Variants in PARM1 observed in about 807,000 individuals in gnomAD.
PARM1 encodes prostate androgen-regulated mucin-like protein 1.
Under a neutral mutation model 24.6 loss-of-function variants are expected in PARM1, and 14 were observed. The observed-to-expected ratio is 0.57, with a 90% confidence interval of 0.38 to 0.89. The LOEUF (loss-of-function observed/expected upper bound fraction) is 0.89. Among genes scored for constraint, PARM1 ranks in the 40% least tolerant of loss-of-function variants. PARM1 has a pLI of 0.00. For synonymous variants in PARM1, 179 were observed against 156.6 expected (o/e 1.14, Z -1.07); for missense variants, 362 against 380.4 (o/e 0.95, Z 0.40).
intron 2 of PARM1, among the ~76,000 whole-genome samples, chr4:75,022,199 A>T (rs986410573): frequency 6.6e-6 from 1 of 152,188 alleles, no homozygotes; most frequent in Non-Finnish European, 1.5e-5. Flanking sequence ...CATTTCTCTA[A>T]TGATTAGTGG....
chr4:74,969,236 G>C (rs758053351), intron 1 of PARM1, among the ~76,000 whole-genome samples: 1 of 152,190 alleles, frequency 6.6e-6, no homozygotes, highest in Admixed American at 6.5e-5. Context: ...GTCCCTTGTC[G>C]TTGTGTTGAG....
At chr4:75,008,508 A>G (rs1335512178) in intron 1 of PARM1, among the ~76,000 whole-genome samples, 2 of 152,336 alleles carry the variant, frequency 1.3e-5, no homozygotes, top group Middle Eastern at 3.4e-3. Flanking sequence ...TGAACATCAG[A>G]TATCTTAAGT....
chr4:74,996,203 G>A (rs979797848), intron 1 of PARM1, among the ~76,000 whole-genome samples: 16 of 151,922 alleles, frequency 1.1e-4, no homozygotes, highest in African/African-American at 3.9e-4. Context: ...CCCCTGTGTT[G>A]TCACTAATTA....
At chr4:75,016,775 C>G (rs753119253) in intron 2 of PARM1, among the ~76,000 whole-genome samples, 2 of 152,128 alleles carry the variant, frequency 1.3e-5, no homozygotes, top group Non-Finnish European at 2.9e-5. Context: ...CCTCCTTTCT[C>G]CCTGATCTCT....
At chr4:75,001,324 A>G (rs1395025770) in intron 1 of PARM1, among the ~76,000 whole-genome samples, 1 of 152,268 alleles carries the variant, frequency 6.6e-6, no homozygotes, top group African/African-American at 2.4e-5. Flanking sequence ...ACACATAGCA[A>G]CAGAGGTGAG....
At chr4:74,989,151 C>G (rs190460323) in intron 1 of PARM1, among the ~76,000 whole-genome samples, 1 of 152,230 alleles carries the variant, frequency 6.6e-6, no homozygotes, top group East Asian at 1.9e-4. Context: ...AGCAACCAAC[C>G]CTCCAGCAGA....
intron 2 of PARM1, among the ~76,000 whole-genome samples, chr4:75,015,427 G>T (rs2109796839): frequency 6.6e-6 from 1 of 152,272 alleles, no homozygotes; most frequent in African/African-American, 2.4e-5. Flanking sequence ...GAGAGGTGTG[G>T]CCGGTTAGAG....
At chr4:75,040,281 C>T (rs931741811) in intron 3 of PARM1, among the ~76,000 whole-genome samples, 2 of 152,144 alleles carry the variant, frequency 1.3e-5, no homozygotes, top group Non-Finnish European at 2.9e-5. Context: ...ACAGATGTGC[C>T]AATGTGTAGA....
chr4:75,029,628 T>C (rs1207293270), intron 2 of PARM1, among the ~76,000 whole-genome samples: 1 of 152,146 alleles, frequency 6.6e-6, no homozygotes, highest in Non-Finnish European at 1.5e-5. Flanking sequence ...ATTACCATCT[T>C]GAGTATGCCT....
Position 75,013,052 on chromosome 4 carries a change from C to T in PARM1, c.671C>T (p.Thr224Ile). The T allele has an allele frequency of 6.2e-7, 1 of 1,614,020 alleles. No individual in the cohort carries two copies. The highest frequency in any genetic ancestry group is 8.5e-7 in the Non-Finnish European group (1 of 1,179,892). The part of the protein sequence containing the change: ...PVPQEKTPPT[T>I]VSGKVMCELI... ...CCCCAGGAGAAAACACCCCCAACAA[C>T]TGTGTCAGGCAAAGTGATGTGTGAG... The change falls in exon 2 of 4, where the codon ACT becomes ATT. Residue 224 changes from threonine to isoleucine, a missense_variant. Thr to Ile is a moderately conservative substitution (Grantham distance 89). Coordinates refer to ENST00000307428, the MANE Select transcript of PARM1 (RefSeq NM_015393.4).
chr4:74,988,611 C>T (rs561371612), intron 1 of PARM1, among the ~76,000 whole-genome samples: 1 of 152,166 alleles, frequency 6.6e-6, no homozygotes, highest in Non-Finnish European at 1.5e-5. Context: ...TGGACAAGCA[C>T]AAAATGTTAT....
At chr4:74,994,929 A>G (rs1056783825) in intron 1 of PARM1, among the ~76,000 whole-genome samples, 9 of 152,158 alleles carry the variant, frequency 5.9e-5, no homozygotes, top group Admixed American at 2.0e-4. Context: ...ATGACCTCAT[A>G]AGGGCTGTTG....
intron 1 of PARM1, among the ~76,000 whole-genome samples, chr4:74,981,896 A>AG (rs1722264661): frequency 6.6e-6 from 1 of 151,904 alleles, no homozygotes; most frequent in Non-Finnish European, 1.5e-5. Context: ...AAAAAAAAAA[A>AG]AAGACCTAGA....
At chr4:74,979,779 A>G (rs1722212691) in intron 1 of PARM1, among the ~76,000 whole-genome samples, 1 of 152,198 alleles carries the variant, frequency 6.6e-6, no homozygotes, top group Non-Finnish European at 1.5e-5. Flanking sequence ...TGATCAAGTC[A>G]GCTTCATCCC....
At chr4:74,994,871 A>G (rs1722548173) in intron 1 of PARM1, among the ~76,000 whole-genome samples, 3 of 152,108 alleles carry the variant, frequency 2.0e-5, no homozygotes, top group Non-Finnish European at 2.9e-5. Flanking sequence ...TTGTCACTAC[A>G]ATAAGCTTAA....
chr4:74,944,262 G>A (rs1039699985), intron 1 of PARM1, among the ~76,000 whole-genome samples: 7 of 152,200 alleles, frequency 4.6e-5, no homozygotes, highest in East Asian at 1.9e-4. Context: ...CTTAGCAATC[G>A]TGGTAAAATG....
At position 74,933,277 on chromosome 4, in the gene PARM1, C is replaced by T. The variant is rs1721104426; in HGVS notation, c.-51C>T. On this transcript the variant is annotated 5_prime_UTR_variant, in exon 1 of 4. Transcript: ENST00000307428. ...CAGCGCCCAGTGCGCTCTGTCAGTC[C>T]GCAAACTCCTTGCCGCCCGCCCCGG... is the stretch of plus-strand genomic sequence containing the variant. 6.4e-7 allele frequency: 1 copy of T among 1,567,902 alleles called. No individual in the cohort carries two copies. The highest frequency in any genetic ancestry group is 1.1e-5 in the South Asian group (1 of 88,988).
intron 1 of PARM1, among the ~76,000 whole-genome samples, chr4:74,951,467 T>C (rs1721519809): frequency 6.6e-6 from 1 of 152,170 alleles, no homozygotes; most frequent in Non-Finnish European, 1.5e-5. Flanking sequence ...ACTTTTAAGT[T>C]CTGGGGTACG....
chr4:75,041,651 T>C (rs1329311498), intron 3 of PARM1, among the ~76,000 whole-genome samples: 1 of 152,218 alleles, frequency 6.6e-6, no homozygotes, highest in African/African-American at 2.4e-5. Flanking sequence ...ACAGTTATCT[T>C]TAAATAGGTA....
Sources: gnomAD v4.1 joint callset for allele counts (sites outside exome capture counted in the v4.1 genomes callset) on GRCh38, gnomAD v4.1.1 for gene constraint, MANE v1.5 for transcripts, NCBI Gene and HGNC (gene_info 2026-07-23, HGNC 2026-07-21) for gene names.